Variants in CDHR1 observed in about 807,000 individuals in gnomAD.
CDHR1 encodes cadherin-related family member 1.
CDHR1 carries 61 observed loss-of-function variants against 72.1 expected under a neutral mutation model. That is an observed-to-expected ratio of 0.85 (90% CI 0.69 to 1.05). CDHR1 has a LOEUF of 1.05. Among genes scored for constraint, CDHR1 ranks in the 50% least tolerant of loss-of-function variants. The pLI is 0.00. For synonymous variants in CDHR1, 470 were observed against 448.1 expected (o/e 1.05, Z -0.62); for missense variants, 1,186 against 1,115.7 (o/e 1.06, Z -0.90).
intron 6 of CDHR1, 137 bp from the exon 7 acceptor site, chr10:84,201,670 A>T: frequency 1.4e-6 from 1 of 697,956 alleles, no homozygotes; most frequent in Non-Finnish European, 2.5e-6. Context: ...AGAAAAGCTG[A>T]GTGCTCTGAA....
intron 9 of CDHR1, among the ~76,000 whole-genome samples, chr10:84,205,514 TCACACA>T (rs33921515): frequency 0.013 from 1,896 of 145,114 alleles, 48 homozygotes; most frequent in African/African-American, 0.046. Flanking sequence ...TCTCTTTTCT[TCACACA>T]CACACACACA....
rs1398714753 is a variant in CDHR1, at chr10:84,218,229, G to A, written c.*3608G>A. ...CTTAGGAAACTCACAAACAACCTAG[G>A]GAGGGGTTCTCTGAAGGGCCTAGTT... On this transcript the variant is annotated 3_prime_UTR_variant, in exon 17 of 17. Coordinates refer to ENST00000623527, the MANE Select transcript of CDHR1 (RefSeq NM_033100.4). 2 of 985,310 alleles carry A rather than the reference G, an allele frequency of 2.0e-6. No homozygotes were observed. Among genetic ancestry groups the A allele is most frequent in the African/African-American group, 1.7e-5 (1 of 57,230 alleles). 61.0% of individuals were successfully genotyped at this position (985,310 alleles called of 1,614,324 possible).
At chr10:84,212,866 A>C (rs1842360241) in intron 15 of CDHR1, 2 of 618,492 alleles carry the variant, frequency 3.2e-6, no homozygotes. Flanking sequence ...TTTGCTTCCT[A>C]GACTTGTTCT....
chr10:84,199,883 C>T (rs1374198910), intron 5 of CDHR1, among the ~76,000 whole-genome samples: 1 of 152,092 alleles, frequency 6.6e-6, no homozygotes, highest in Non-Finnish European at 1.5e-5. Context: ...AAAATGTTTG[C>T]TAATTCAGGC....
At chr10:84,218,775 T>C (rs1315677021), downstream of CDHR1, 2 of 996,568 alleles carry the variant, frequency 2.0e-6, no homozygotes, top group Non-Finnish European at 2.4e-6. Flanking sequence ...TGTTATTACA[T>C]ATATATATTT....
intron 5 of CDHR1, among the ~76,000 whole-genome samples, chr10:84,199,492 T>C (rs1350715189): frequency 1.3e-5 from 2 of 152,248 alleles, no homozygotes; most frequent in African/African-American, 4.8e-5. Context: ...ACTAAACATA[T>C]GCTTCCTATA....
In CDHR1 at chr10:84,214,244, C is replaced by A. The variant is rs780447091; in HGVS notation, c.2203C>A (p.Pro735Thr). Reference protein sequence around the residue: ...WRNKKSNKVLPMRRVLRKRPS... With the variant: ...WRNKKSNKVLTMRRVLRKRPS... Reference sequence around the variant, plus strand: ...CAACAAGAAGTCTAACAAGGTCCTGCCAATGCGGCGGGTGCTCCGCAAGCG... The same window carrying A: ...CAACAAGAAGTCTAACAAGGTCCTGACAATGCGGCGGGTGCTCCGCAAGCG... The change falls in exon 17 of 17, where the codon CCA (proline) becomes ACA (threonine). Residue 735 changes from proline to threonine, a missense_variant. Transcript: ENST00000623527. 1.1e-5 allele frequency: 18 copies of A among 1,613,912 alleles called. No homozygotes were observed. Among genetic ancestry groups the A allele is most frequent in the Non-Finnish European group, 1.4e-5 (17 of 1,179,988 alleles).
intron 12 of CDHR1, 27 bp from the exon 13 acceptor site, chr10:84,210,974 C>T (rs1442784768): frequency 6.2e-7 from 1 of 1,613,856 alleles, no homozygotes; most frequent in Non-Finnish European, 8.5e-7. Flanking sequence ...CCTACCCAGA[C>T]AAGTCCCCAT....
At chr10:84,204,211 G>A (rs1842182202) in intron 8 of CDHR1, among the ~76,000 whole-genome samples, 1 of 152,192 alleles carries the variant, frequency 6.6e-6, no homozygotes, top group African/African-American at 2.4e-5. Context: ...AGGTTAGGGA[G>A]CAGTAGAGGC....
rs147972961 is a variant in CDHR1, at chr10:84,211,111, C to G, written c.1431C>G (p.Tyr477Ter). 1 of 1,614,264 alleles carries G rather than the reference C, an allele frequency of 6.2e-7. No homozygotes were observed. Among genetic ancestry groups the G allele is most frequent in the Non-Finnish European group, 8.5e-7 (1 of 1,180,050 alleles). Residue 477 changes from tyrosine (Y) to a stop codon, truncating the protein, a stop_gained, in exon 13 of 17, where the codon TAC (tyrosine) becomes TAG (stop). Transcript: ENST00000623527. LOFTEE classifies it high-confidence loss of function. ...DNVPKFDSLYYVARIPENAPG... is the reference protein window; with the variant it reads ...DNVPKFDSLY ...TCCCCAAGTTCGACTCCCTCTACTACGTTGCCAGGATTCCTGAGAACGCCC... is the reference window on the plus strand; with the variant it reads ...TCCCCAAGTTCGACTCCCTCTACTAGGTTGCCAGGATTCCTGAGAACGCCC...
Position 84,205,939 on chromosome 10 carries a change from C to T in CDHR1, c.963+12C>T. 6 of 1,601,568 alleles carry T rather than the reference C, an allele frequency of 3.7e-6. No individual in the cohort carries two copies. Among genetic ancestry groups the T allele is most frequent in the Non-Finnish European group, 5.1e-6 (6 of 1,168,734 alleles). On this transcript the variant is annotated intron_variant, in intron 10 of 16. Coordinates refer to ENST00000623527, the MANE Select transcript of CDHR1 (RefSeq NM_033100.4). ...AGCTGCATGTACAGGTACCCTCCCT[C>T]TAGCTTTGTCTTCCCTGCCCACCTT...
rs943658828 is a variant in CDHR1 at position 84,215,821 on chromosome 10, C to T, written c.*1200C>T. 3.0e-6 allele frequency: 3 copies of T among 985,546 alleles called. No individual in the cohort carries two copies. Among genetic ancestry groups the T allele is most frequent in the Non-Finnish European group, 3.6e-6 (3 of 830,030 alleles). The allele number at this position is 985,546 out of a possible 1,614,324, so 61.1% of individuals were successfully genotyped here. A position where few individuals can be genotyped will look rare whatever the true frequency, so the allele number is the denominator to read the frequency against. ...GGGCTACCACTGGATGATGGCATTG[C>T]CGTGACTCACACACCTCTACTTCTG... On this transcript the variant is annotated 3_prime_UTR_variant, in exon 17 of 17. Transcript: ENST00000623527.
rs546807504 is a variant in CDHR1 at position 84,218,218 on chromosome 10, A to G, written c.*3597A>G. ...ATGGAGGACCCCTTAGGAAACTCAC[A>G]AACAACCTAGGGAGGGGTTCTCTGA... On this transcript the variant is annotated 3_prime_UTR_variant, in exon 17 of 17. Coordinates refer to ENST00000623527, the MANE Select transcript of CDHR1 (RefSeq NM_033100.4). 9.1e-6 allele frequency: 9 copies of G among 985,462 alleles called. No individual in the cohort carries two copies. The African/African-American group carries it at 1.6e-4, about 17-fold the overall frequency. The allele number at this position is 985,462 out of a possible 1,614,324, so 61.0% of individuals were successfully genotyped here. A position where few individuals can be genotyped will look rare whatever the true frequency, so the allele number is the denominator to read the frequency against.
In CDHR1 at chr10:84,205,833, A is replaced by T; in HGVS notation, c.869A>T (p.Asp290Val). 2 of 1,613,620 alleles carry T rather than the reference A, an allele frequency of 1.2e-6. No homozygotes were observed. The highest frequency in any genetic ancestry group is 1.7e-6 in the Non-Finnish European group (2 of 1,179,696). ...RILYSLVNGN[D>V]GAFEINETSG... is the part of the protein sequence containing the mutation. ...GGTGCATCTCCCTTGACAGGGAACG[A>T]TGGAGCCTTTGAAATTAATGAGACA... is the stretch of plus-strand genomic sequence containing the variant. The change falls in exon 10 of 17, where the codon GAT becomes GTT. Residue 290 changes from aspartate to valine, a missense_variant. Physicochemically the swap from Asp to Val is radical, Grantham distance 152. Transcript: ENST00000623527.
chr10:84,204,397 C>A, intron 8 of CDHR1, 130 bp from the exon 9 acceptor site: 1 of 721,236 alleles, frequency 1.4e-6, no homozygotes, highest in Non-Finnish European at 2.5e-6. Flanking sequence ...GGCCATGCTC[C>A]ACCGCCACGT....
chr10:84,209,501 T>G (rs1174108948), intron 12 of CDHR1, among the ~76,000 whole-genome samples: 5 of 152,128 alleles, frequency 3.3e-5, no homozygotes, highest in Non-Finnish European at 7.3e-5. Flanking sequence ...TCACCACTAC[T>G]ATTTAACACA....
In CDHR1 at chr10:84,218,029, C is replaced by A. The variant is rs138418021; in HGVS notation, c.*3408C>A. The A allele has an allele frequency of 1.0e-6, 1 of 985,396 alleles. No homozygotes were observed. 61.0% of individuals were successfully genotyped at this position (985,396 alleles called of 1,614,324 possible). A position where few individuals can be genotyped will look rare whatever the true frequency, so the allele number is the denominator to read the frequency against. On this transcript the variant is annotated 3_prime_UTR_variant, in exon 17 of 17. Coordinates refer to ENST00000623527, the MANE Select transcript of CDHR1 (RefSeq NM_033100.4). Reference sequence around the variant, plus strand: ...TGATTCTATTTTTAGGGACTGAAGGCGTTGAGGGAATCCAAGGCCAGTCCA... The same window carrying A: ...TGATTCTATTTTTAGGGACTGAAGGAGTTGAGGGAATCCAAGGCCAGTCCA...
intron 5 of CDHR1, 66 bp downstream of exon 5, chr10:84,199,187 C>A: frequency 7.4e-7 from 1 of 1,353,972 alleles, no homozygotes; most frequent in South Asian, 1.2e-5. Context: ...CCTGGGGCTG[C>A]CCTGTGGCCT....
chr10:84,196,527 T>A lies in CDHR1; in HGVS notation c.174T>A (p.Asn58Lys). ...CAGGCTCTCACGTATACACCCTGAA[T>A]GGGACAGACCCTGAGGGAGACCCCA... is the stretch of plus-strand genomic sequence containing the variant. ...TPVGSHVYTLNGTDPEGDPIS... is the reference protein window; with the variant it reads ...TPVGSHVYTLKGTDPEGDPIS... Residue 58 changes from asparagine (N) to lysine (K), a missense_variant, in exon 3 of 17, where the codon AAT becomes AAA. Asn to Lys is a moderately conservative substitution (Grantham distance 94, BLOSUM62 0). Coordinates refer to ENST00000623527, the MANE Select transcript of CDHR1 (RefSeq NM_033100.4). 1 of 1,614,252 alleles carries A rather than the reference T, an allele frequency of 6.2e-7. No individual in the cohort carries two copies.
Sources: allele counts gnomAD v4.1 joint callset (sites outside exome capture counted in the v4.1 genomes callset), GRCh38; gene constraint gnomAD v4.1.1; transcripts MANE v1.5; gene names NCBI Gene and HGNC (gene_info 2026-07-23, HGNC 2026-07-21).